CDK18: variants seen among roughly 807,000 people sequenced by gnomAD.
CDK18 encodes cyclin dependent kinase 18, also known as cyclin-dependent kinase 18.
A neutral mutation model predicts 62.0 loss-of-function variants in CDK18; 52 were observed. That is an observed-to-expected ratio of 0.84 (90% confidence interval 0.67 to 1.06). The LOEUF (loss-of-function observed/expected upper bound fraction) is 1.06. Ranked by LOEUF, CDK18 falls within the 50% of genes least tolerant of loss-of-function variation. The probability of loss-of-function intolerance (pLI) is 0.00; values close to 1 mark genes in which losing one functional copy is unlikely to be tolerated. For missense variants in CDK18, 604 were observed against 619.9 expected (o/e 0.97, Z 0.27); for synonymous variants, 237 against 247.0 (o/e 0.96, Z 0.38).
At chr1:205,519,057 G>A (rs1245278114) in intron 1 of CDK18, among the ~76,000 whole-genome samples, 4 of 152,196 alleles carry the variant, frequency 2.6e-5, no homozygotes, top group Admixed American at 6.5e-5. Context: ...CCAATTGCAC[G>A]GGGACAGCCC....
At chr1:205,526,754 G>A in intron 7 of CDK18, 21 bp from the exon 8 acceptor site, 3 of 1,611,330 alleles carry the variant, frequency 1.9e-6, no homozygotes, top group South Asian at 1.1e-5. Flanking sequence ...GGGCAGGACT[G>A]AGCCACGCTC....
rs1290344472 is a variant in CDK18, at chr1:205,517,366, C to T, written c.-21-5781C>T. Among the ~76,000 whole-genome samples the T allele has an allele frequency of 1.3e-5, 2 of 152,152 alleles. No individual in the cohort carries two copies. Among genetic ancestry groups the T allele is most frequent in the African/African-American group, 4.8e-5 (2 of 41,426 alleles). ...AAGCACCTTGCAATAAGGAAGTCTG[C>T]AGGGATGTTTGATGAAGTTTATATG... On this transcript the variant is annotated intron_variant, in intron 1 of 15. Coordinates refer to ENST00000429964, the MANE Select transcript of CDK18 (RefSeq NM_212502.3). This position sits in a 1 kb window ranked among gnomAD's most constrained non-coding sequence, Gnocchi z 4.1.
intron 1 of CDK18, among the ~76,000 whole-genome samples, chr1:205,519,594 C>T (rs1192839562): frequency 1.3e-5 from 2 of 152,312 alleles, no homozygotes. Context: ...GGGTGGAGAA[C>T]AGCTGGTCCC....
At chr1:205,510,762 C>G (rs1667531346) in intron 1 of CDK18, among the ~76,000 whole-genome samples, 1 of 152,258 alleles carries the variant, frequency 6.6e-6, no homozygotes, top group Admixed American at 6.5e-5. Flanking sequence ...GTCTTGCCTT[C>G]TTTGCCTGAA....
In CDK18 at chr1:205,523,561, C is replaced by G; in HGVS notation, c.209C>G (p.Pro70Arg). Residue 70 changes from proline to arginine, a missense_variant, in exon 3 of 16, where the codon CCG (proline) becomes CGG (arginine). Coordinates refer to ENST00000429964, the MANE Select transcript of CDK18 (RefSeq NM_212502.3). ...TFSPTDSGEE[P>R]GQLSPGVQFQ... Reference sequence around the variant, plus strand: ...TCCCCAACAGACAGCGGGGAGGAGCCGGGGCAGCTCTCCCCTGGCGTGCAG... The same window carrying G: ...TCCCCAACAGACAGCGGGGAGGAGCGGGGGCAGCTCTCCCCTGGCGTGCAG... 6.2e-7 allele frequency: 1 copy of G among 1,602,172 alleles called. No individual in the cohort carries two copies. Among genetic ancestry groups the G allele is most frequent in the Non-Finnish European group, 8.5e-7 (1 of 1,174,878 alleles).
intron 1 of CDK18, among the ~76,000 whole-genome samples, chr1:205,521,574 C>T (rs1026057569): frequency 4.6e-5 from 7 of 152,152 alleles, no homozygotes; most frequent in African/African-American, 1.7e-4. Context: ...GATGGGCCTG[C>T]CTAGCACTGC....
At chr1:205,530,080 C>G in intron 13 of CDK18, 179 bp from the exon 14 acceptor site, 1 of 1,433,534 alleles carries the variant, frequency 7.0e-7, no homozygotes, top group Non-Finnish European at 9.1e-7. Flanking sequence ...GAGCCTTCCC[C>G]TGAGTCTTGA....
At chr1:205,519,121 G>A (rs563459193) in intron 1 of CDK18, among the ~76,000 whole-genome samples, 1 of 152,306 alleles carries the variant, frequency 6.6e-6, no homozygotes, top group Non-Finnish European at 1.5e-5. Flanking sequence ...GCCCCGGGCT[G>A]GCCTCAGGCT....
chr1:205,509,074 A>G (rs1000754829), intron 1 of CDK18, among the ~76,000 whole-genome samples: 2 of 151,916 alleles, frequency 1.3e-5, no homozygotes, highest in African/African-American at 4.8e-5. Context: ...GCTTGAACCC[A>G]GGAGGTGGAG....
chr1:205,509,515 G>A (rs942851192), intron 1 of CDK18, among the ~76,000 whole-genome samples: 16 of 152,174 alleles, frequency 1.1e-4, no homozygotes, highest in African/African-American at 3.4e-4. Context: ...CTTAGGTTAA[G>A]TAATTTGCTC....
chr1:205,507,766 C>T (rs569378069), intron 1 of CDK18, among the ~76,000 whole-genome samples: 25 of 151,944 alleles, frequency 1.6e-4, no homozygotes, highest in African/African-American at 5.6e-4. Context: ...TGCACCAGGG[C>T]TGGTCTAGAG....
intron 13 of CDK18, chr1:205,529,873 C>T (rs1668650894): frequency 3.0e-6 from 4 of 1,343,116 alleles, no homozygotes; most frequent in Non-Finnish European, 3.9e-6. Context: ...CGTGAGGATA[C>T]ATTGAGATGA....
chr1:205,530,384 G>T, intron 14 of CDK18, 35 bp downstream of exon 14: 2 of 1,591,652 alleles, frequency 1.3e-6, no homozygotes. Context: ...GGGCCACCCA[G>T]AACCAAGGAA....
intron 1 of CDK18, among the ~76,000 whole-genome samples, chr1:205,518,320 CTG>C (rs1226144466): frequency 6.6e-4 from 100 of 152,354 alleles, no homozygotes; most frequent in African/African-American, 2.0e-3. Flanking sequence ...TTTCATTCAT[CTG>C]TGGATTCTCA....
At chr1:205,509,933 AGC>A in intron 1 of CDK18, among the ~76,000 whole-genome samples, 1 of 152,146 alleles carries the variant, frequency 6.6e-6, no homozygotes. Flanking sequence ...TACAAAAATT[AGC>A]CAGGCATGGT....
At chr1:205,524,873 G>A (rs535403101) in intron 4 of CDK18, among the ~76,000 whole-genome samples, 1 of 152,286 alleles carries the variant, frequency 6.6e-6, no homozygotes, top group African/African-American at 2.4e-5. Flanking sequence ...AGGAGCTCGT[G>A]GTCTCAGTCG....
intron 4 of CDK18, among the ~76,000 whole-genome samples, 168 bp from the exon 5 acceptor site, chr1:205,524,969 TCA>T (rs1416814796): frequency 6.6e-6 from 1 of 152,132 alleles, no homozygotes; most frequent in African/African-American, 2.4e-5. Context: ...AGGAAGAAAC[TCA>T]CACTTTCACG....
chr1:205,506,205 G>A (rs1364115583), intron 1 of CDK18, among the ~76,000 whole-genome samples: 1 of 152,180 alleles, frequency 6.6e-6, no homozygotes, highest in East Asian at 1.9e-4. Flanking sequence ...CTGGCTCCAG[G>A]TCCGGGTTTG....
intron 1 of CDK18, 113 bp downstream of exon 1, chr1:205,504,909 T>C (rs1667232234): frequency 6.6e-6 from 1 of 152,218 alleles, no homozygotes; most frequent in Non-Finnish European, 1.5e-5. Flanking sequence ...AGGCGCAGTT[T>C]TGCTTTTGCC....
Sources: allele counts gnomAD v4.1 joint callset (sites outside exome capture counted in the v4.1 genomes callset), GRCh38; gene constraint gnomAD v4.1.1; non-coding constraint Gnocchi (gnomAD v3.1); transcripts MANE v1.5; gene names NCBI Gene and HGNC (gene_info 2026-07-23, HGNC 2026-07-21).